Variants in TMC5 observed in about 807,000 individuals in gnomAD.
TMC5 encodes the protein transmembrane channel-like protein 5.
TMC5 carries 86 observed loss-of-function variants against 110.5 expected under a neutral mutation model. That is an observed-to-expected ratio of 0.78 (90% CI 0.65 to 0.93). The LOEUF (loss-of-function observed/expected upper bound fraction) is 0.93. Among genes scored for constraint, TMC5 ranks in the 40% least tolerant of loss-of-function variants. The pLI, the probability that TMC5 is intolerant of heterozygous loss-of-function variation, is 0.00. For synonymous variants in TMC5, 455 were observed against 439.5 expected (o/e 1.04, Z -0.44); for missense variants, 1,144 against 1,222.8 (o/e 0.94, Z 0.96).
chr16:19,412,671 G>C (rs1225758333), intron 1 of TMC5, among the ~76,000 whole-genome samples: 3 of 152,022 alleles, frequency 2.0e-5, no homozygotes, highest in Non-Finnish European at 2.9e-5. Flanking sequence ...CCCAGCCCGA[G>C]CCCACCCTTT....
chr16:19,469,935 C>T, intron 10 of TMC5, 110 bp downstream of exon 10: 1 of 1,277,726 alleles, frequency 7.8e-7, no homozygotes, highest in Non-Finnish European at 1.1e-6. Context: ...CACTCTGTCG[C>T]CCAGGCTGGA....
At chr16:19,444,374 C>CT (rs1224711565) in intron 4 of TMC5, 124 bp downstream of exon 4, 98 of 811,984 alleles carry the variant, frequency 1.2e-4, no homozygotes, top group Middle Eastern at 7.5e-4. Flanking sequence ...CTCAGAGACC[C>CT]TTGTTTTTAC....
intron 2 of TMC5, among the ~76,000 whole-genome samples, chr16:19,432,245 C>T (rs544861318): frequency 6.6e-6 from 1 of 152,252 alleles, no homozygotes; most frequent in South Asian, 2.1e-4. Context: ...CTTGCAACAT[C>T]AAGTAAGGAG....
rs368975328 is a variant in TMC5, at chr16:19,440,599, T to A, written c.561T>A (p.Asn187Lys). 3.1e-6 allele frequency: 5 copies of A among 1,614,152 alleles called. No homozygotes were observed. The highest frequency in any genetic ancestry group is 1.7e-6 in the Non-Finnish European group (2 of 1,180,032). ...ANLNHPGSRK[N>K]LEHTSFRINP... The stretch of plus-strand genomic sequence containing the variant: ...TGAACCATCCAGGATCCAGAAAGAA[T>A]CTGGAACATACAAGTTTTAGAATCA... The change falls in exon 3 of 22, where the codon AAT becomes AAA. Residue 187 changes from asparagine to lysine, a missense_variant. Asn to Lys is a moderately conservative substitution (Grantham distance 94, BLOSUM62 0). Coordinates refer to ENST00000542583, the MANE Select transcript of TMC5 (RefSeq NM_001261841.2).
At chr16:19,445,957 G>GT (rs1287780033) in intron 4 of TMC5, among the ~76,000 whole-genome samples, 1 of 151,670 alleles carries the variant, frequency 6.6e-6, no homozygotes, top group Non-Finnish European at 1.5e-5. Flanking sequence ...TGAGGCTGCC[G>GT]TGAGCCATGA....
chr16:19,430,734 G>A (rs564065210), intron 2 of TMC5, 94 bp downstream of exon 2: 1 of 152,026 alleles, frequency 6.6e-6, no homozygotes, highest in Non-Finnish European at 1.5e-5. Context: ...TCCATAAAAT[G>A]TTTTATGAGA....
intron 18 of TMC5, among the ~76,000 whole-genome samples, 174 bp downstream of exon 18, chr16:19,490,742 CCTTCCTTCCTTCCTTCCT>C (rs1567327698): frequency 1.0e-4 from 14 of 139,188 alleles, no homozygotes; most frequent in African/African-American, 3.4e-4. Context: ...TTCCTTCCTT[CCTTCCTTCCTTCCTTCCT>C]TCCCTTCCTT....
chr16:19,432,393 G>A (rs1249677450), intron 2 of TMC5, among the ~76,000 whole-genome samples: 1 of 78,752 alleles, frequency 1.3e-5, no homozygotes, highest in Non-Finnish European at 2.5e-5. Flanking sequence ...CCTTATTGAG[G>A]AGGTGCTAGA....
chr16:19,437,611 T>C (rs1967376383), intron 2 of TMC5, among the ~76,000 whole-genome samples: 2 of 152,346 alleles, frequency 1.3e-5, no homozygotes, highest in Middle Eastern at 3.4e-3. Flanking sequence ...AAAAGTTGGC[T>C]GAGCTTTAAA....
chr16:19,486,585 C>T (rs944625514), intron 15 of TMC5, among the ~76,000 whole-genome samples: 9 of 152,072 alleles, frequency 5.9e-5, no homozygotes, highest in African/African-American at 1.7e-4. Flanking sequence ...CCATGTTGCC[C>T]AGGCTGGTCT....
chr16:19,424,120 T>G (rs1345333196), intron 1 of TMC5, among the ~76,000 whole-genome samples: 1 of 152,132 alleles, frequency 6.6e-6, no homozygotes, highest in Non-Finnish European at 1.5e-5. Context: ...GGTTAAGGGC[T>G]CAGCGCCACA....
chr16:19,455,302 G>T lies in TMC5; in HGVS notation c.1049-4933G>T, dbSNP rs377353133. 7.9e-5 allele frequency among the ~76,000 whole-genome samples: 12 copies of T among 151,230 alleles called. No individual in the cohort carries two copies. The East Asian group carries it at 2.2e-3, about 27-fold the overall frequency. ...GTCTCTACAAAAAATACAAAAATTT[G>T]CCAGGCTACTCAGGAGGCTGAGGCA... On this transcript the variant is annotated intron_variant, in intron 5 of 21. Coordinates refer to ENST00000542583, the MANE Select transcript of TMC5 (RefSeq NM_001261841.2).
In TMC5 at chr16:19,460,319, A is replaced by G. The variant is rs936125550; in HGVS notation, c.1133A>G (p.Glu378Gly). The G allele has an allele frequency of 1.2e-6, 2 of 1,613,366 alleles. No individual in the cohort carries two copies. The highest frequency in any genetic ancestry group is 1.1e-5 in the South Asian group (1 of 91,042). ...AIRNQPRTME[E>G]KRNLRKIVDK... ...AGGAACCAGCCAAGGACCATGGAAGAGAAAAGGAACCTTAGGTATGGACTA... is the reference window on the plus strand; with the variant it reads ...AGGAACCAGCCAAGGACCATGGAAGGGAAAAGGAACCTTAGGTATGGACTA... Residue 378 changes from glutamate to glycine, a missense_variant, in exon 6 of 22, where the codon GAG (glutamate) becomes GGG (glycine). By Grantham distance (98) the Glu-to-Gly change is moderately conservative. Coordinates refer to ENST00000542583, the MANE Select transcript of TMC5 (RefSeq NM_001261841.2).
At chr16:19,487,659 A>C (rs1968781674) in intron 17 of TMC5, among the ~76,000 whole-genome samples, 1 of 151,802 alleles carries the variant, frequency 6.6e-6, no homozygotes, top group African/African-American at 2.4e-5. Context: ...CCAAGATTGC[A>C]CCATTGCGCT....
At position 19,440,033 on chromosome 16, in the gene TMC5, A is replaced by T. The variant is rs777836567; in HGVS notation, c.-6A>T. ...TACCACTCCAGGGTGAAGAGTCCAT[A>T]CCAACATGTCTGCCTACTACAGGAA... On this transcript the variant is annotated 5_prime_UTR_variant, in exon 3 of 22. Coordinates refer to ENST00000542583, the MANE Select transcript of TMC5 (RefSeq NM_001261841.2). 6.2e-7 allele frequency: 1 copy of T among 1,610,040 alleles called. No individual in the cohort carries two copies. Among genetic ancestry groups the T allele is most frequent in the South Asian group, 1.1e-5 (1 of 90,548 alleles).
chr16:19,461,948 T>C (rs1385025787), intron 6 of TMC5, among the ~76,000 whole-genome samples: 1 of 152,084 alleles, frequency 6.6e-6, no homozygotes, highest in Non-Finnish European at 1.5e-5. Flanking sequence ...CTCCCTGACT[T>C]TGCTGGGGAA....
chr16:19,448,710 A>T (rs1254764087), intron 4 of TMC5, among the ~76,000 whole-genome samples: 3 of 142,674 alleles, frequency 2.1e-5, no homozygotes, highest in African/African-American at 5.3e-5. Flanking sequence ...ATATTTTAAT[A>T]TATTATATTT....
At chr16:19,412,147 T>C (rs1218766960) in intron 1 of TMC5, among the ~76,000 whole-genome samples, 1 of 149,418 alleles carries the variant, frequency 6.7e-6, no homozygotes, top group Non-Finnish European at 1.5e-5. Context: ...TTGTAGCTTA[T>C]GCAGCTTCAA....
intron 19 of TMC5, 47 bp downstream of exon 19, chr16:19,492,275 A>G (rs1968927130): frequency 7.1e-7 from 1 of 1,417,122 alleles, no homozygotes; most frequent in Non-Finnish European, 1.0e-6. Context: ...CCCTTTTTAA[A>G]CGCTGTATAA....
Sources: allele counts gnomAD v4.1 joint callset (sites outside exome capture counted in the v4.1 genomes callset), GRCh38; gene constraint gnomAD v4.1.1; transcripts MANE v1.5; gene names NCBI Gene and HGNC (gene_info 2026-07-23, HGNC 2026-07-21).